SYNE2: variants seen among roughly 807,000 people sequenced by gnomAD.
The protein encoded by SYNE2 is nesprin-2.
SYNE2 carries 431 observed loss-of-function variants against 856.3 expected under a neutral mutation model. The observed-to-expected ratio is 0.50, with a 90% CI of 0.47 to 0.55. SYNE2 has a LOEUF of 0.55. Among genes scored for constraint, SYNE2 ranks in the 20% least tolerant of loss-of-function variants. The pLI is 0.00. For missense variants in SYNE2, 8,129 were observed against 8,023.2 expected (o/e 1.01, Z -0.50); for synonymous variants, 2,923 against 2,872.3 (o/e 1.02, Z -0.56).
chr14:63,864,251 T>G (rs1460181989), intron 1 of SYNE2: 1 of 152,244 alleles, frequency 6.6e-6, no homozygotes, highest in African/African-American at 2.4e-5. Flanking sequence ...CGTCTTTGTT[T>G]AAAAGAAAAT....
At chr14:63,779,467 G>A (rs1052606541) in intron 1 of SYNE2, among the ~76,000 whole-genome samples, 6 of 140,690 alleles carry the variant, frequency 4.3e-5, no homozygotes, top group Non-Finnish European at 6.1e-5. Context: ...GCTAGAAAAC[G>A]AGGATCAGCT....
At chr14:64,205,592 G>A (rs902117479) in intron 100 of SYNE2, among the ~76,000 whole-genome samples, 2 of 152,126 alleles carry the variant, frequency 1.3e-5, no homozygotes, top group South Asian at 2.1e-4. Flanking sequence ...TGATGTCCCC[G>A]GATCCTCACT....
chr14:64,161,962 C>A, intron 87 of SYNE2, 110 bp from the exon 88 acceptor site: 1 of 1,178,930 alleles, frequency 8.5e-7, no homozygotes. Flanking sequence ...TTAACAGTGT[C>A]TTCTTAATGA....
chr14:63,867,190 A>G lies in SYNE2; in HGVS notation c.-52+14047A>G, dbSNP rs561083390. Among the ~76,000 whole-genome samples, 17 of 152,332 alleles carry G rather than the reference A, an allele frequency of 1.1e-4. No homozygotes were observed. In the East Asian group the frequency reaches 2.5e-3, roughly 22 times the overall value. On this transcript the variant is annotated intron_variant, in intron 1 of 115. Coordinates refer to ENST00000555002, the MANE Select transcript of SYNE2 (RefSeq NM_182914.3). ...AAAGCCCATGTCCTTAAACAGTACCATGAGAGAACTCTTAATGGACAAGAT... is the reference window on the plus strand; with the variant it reads ...AAAGCCCATGTCCTTAAACAGTACCGTGAGAGAACTCTTAATGGACAAGAT...
At chr14:63,849,127 G>A (rs141754060), upstream of SYNE2, among the ~76,000 whole-genome samples, 1 of 152,308 alleles carries the variant, frequency 6.6e-6, no homozygotes, top group African/African-American at 2.4e-5. Flanking sequence ...GAAAAACAGA[G>A]CTGTTTTCTT....
At chr14:64,004,552 A>G (rs1290944503) in intron 30 of SYNE2, among the ~76,000 whole-genome samples, 1 of 150,914 alleles carries the variant, frequency 6.6e-6, no homozygotes, top group Non-Finnish European at 1.5e-5. Context: ...CTGGTCTTGA[A>G]CTCCTCACCT....
At chr14:63,767,791 A>G (rs1595091847) in intron 1 of SYNE2, among the ~76,000 whole-genome samples, 1 of 152,168 alleles carries the variant, frequency 6.6e-6, no homozygotes, top group African/African-American at 2.4e-5. Context: ...ATTAGTGTCC[A>G]TTTGTTAAGC....
At chr14:63,973,413 C>A (rs1433517712) in intron 11 of SYNE2, among the ~76,000 whole-genome samples, 2 of 151,940 alleles carry the variant, frequency 1.3e-5, no homozygotes, top group Non-Finnish European at 2.9e-5. Flanking sequence ...GGGCGGATCA[C>A]CTGAGGTCAG....
At chr14:63,857,104 G>A (rs902773001) in intron 1 of SYNE2, among the ~76,000 whole-genome samples, 1 of 152,096 alleles carries the variant, frequency 6.6e-6, no homozygotes, top group African/African-American at 2.4e-5. Flanking sequence ...CTTATGTATA[G>A]ACCTGTGGAA....
At chr14:63,931,077 G>C (rs548933823) in intron 2 of SYNE2, among the ~76,000 whole-genome samples, 1 of 152,064 alleles carries the variant, frequency 6.6e-6, no homozygotes, top group Non-Finnish European at 1.5e-5. Flanking sequence ...ATAGAATAGA[G>C]GACACCCACT....
chr14:64,138,853 AATACG>A, intron 79 of SYNE2, among the ~76,000 whole-genome samples: 1 of 151,790 alleles, frequency 6.6e-6, no homozygotes. Flanking sequence ...ACCTCGGGCA[AATACG>A]TTGGGTGTTC....
chr14:64,086,670 C>T (rs1198829153), intron 57 of SYNE2, among the ~76,000 whole-genome samples: 1 of 141,862 alleles, frequency 7.0e-6, no homozygotes, highest in Non-Finnish European at 1.5e-5. Flanking sequence ...TAATTTTTCT[C>T]AACAATGTTT....
intron 46 of SYNE2, chr14:64,048,895 C>T (rs1179561333): frequency 6.3e-5 from 8 of 127,220 alleles, no homozygotes; most frequent in Non-Finnish European, 8.0e-5. Context: ...GATGATGGAG[C>T]GAGATCCTGT....
At chr14:64,076,961 T>C (rs1004219707) in intron 54 of SYNE2, among the ~76,000 whole-genome samples, 1 of 152,160 alleles carries the variant, frequency 6.6e-6, no homozygotes, top group Non-Finnish European at 1.5e-5. Context: ...TTTCGTACTT[T>C]CTCAAGGATC....
chr14:64,100,530 AAATATATATATATATATATAT>A (rs1433316922), intron 63 of SYNE2, among the ~76,000 whole-genome samples: 4 of 63,872 alleles, frequency 6.3e-5, no homozygotes, highest in Admixed American at 1.7e-4. Flanking sequence ...AAAAAAAAAA[AAATATATATATATATATATAT>A]ATATATATAT....
At chr14:63,969,322 C>T (rs1356875151) in intron 11 of SYNE2, among the ~76,000 whole-genome samples, 2 of 147,764 alleles carry the variant, frequency 1.4e-5, no homozygotes, top group African/African-American at 5.0e-5. Flanking sequence ...GTGCATGCCA[C>T]CATGCCTGGC....
rs186719249 is a variant in SYNE2 at position 64,167,770 on chromosome 14, T to C, written c.16905+131T>C. ...ACAGAATGTATACCTTTAAGCAAAT[T>C]CAGTTGTCAATTGGTCATTTGTAAA... On this transcript the variant is annotated intron_variant, in intron 92 of 115. Coordinates refer to ENST00000555002, the MANE Select transcript of SYNE2 (RefSeq NM_182914.3). 3.3e-6 allele frequency: 4 copies of C among 1,228,878 alleles called. No homozygotes were observed. In the African/African-American group the frequency reaches 6.0e-5, roughly 18 times the overall value. The allele number at this position is 1,228,878 out of a possible 1,614,324, so 76.1% of individuals were successfully genotyped here. A position where few individuals can be genotyped will look rare whatever the true frequency, so the allele number is the denominator to read the frequency against.
At chr14:64,026,274 C>T (rs755167810) in intron 41 of SYNE2, among the ~76,000 whole-genome samples, 6 of 152,100 alleles carry the variant, frequency 3.9e-5, no homozygotes, top group Non-Finnish European at 7.4e-5. Context: ...TCATAACTCT[C>T]CATCCATAAA....
chr14:63,864,313 T>G (rs963539315), intron 1 of SYNE2: 64 of 152,260 alleles, frequency 4.2e-4, no homozygotes, highest in African/African-American at 1.5e-3. Flanking sequence ...GTTTCCCCTC[T>G]GCTGGATAAT....
Sources: allele counts gnomAD v4.1 joint callset (sites outside exome capture counted in the v4.1 genomes callset), GRCh38; gene constraint gnomAD v4.1.1; transcripts MANE v1.5; gene names NCBI Gene and HGNC (gene_info 2026-07-23, HGNC 2026-07-21).